AGBL4: variants seen among roughly 807,000 people sequenced by gnomAD.
AGBL4 encodes AGBL carboxypeptidase 4.
In AGBL4, 58 loss-of-function variants were observed where a neutral mutation model predicts 66.4. That is an observed-to-expected ratio of 0.87 (90% CI 0.71 to 1.09). The LOEUF is 1.09. Ranked by LOEUF, AGBL4 falls within the 50% of genes least tolerant of loss-of-function variation. AGBL4 has a pLI of 0.00. For missense variants in AGBL4, 579 were observed against 631.0 expected (o/e 0.92, Z 0.88); for synonymous variants, 234 against 222.9 (o/e 1.05, Z -0.44).
In AGBL4 at chr1:49,434,683, AGTG is replaced by A. The variant is rs1281756367; in HGVS notation, c.283-188822_283-188820del. On this transcript the variant is annotated intron_variant, in intron 3 of 13. Transcript: ENST00000371839. Reference sequence around the variant, plus strand: ...TGGTGGTGGTGGTGGTAGTGGTGGTAGTGGTGGTGGTGGTGGTGGTGGTGCTGG... The same window carrying A: ...TGGTGGTGGTGGTGGTAGTGGTGGTAGTGGTGGTGGTGGTGGTGGTGCTGG... 3.6e-3 allele frequency among the ~76,000 whole-genome samples: 515 copies of A among 141,606 alleles called. 5 individuals carry two copies. The highest frequency in any genetic ancestry group is 0.013 in the African/African-American group (489 of 38,512). 92.9% of individuals were successfully genotyped at this position (141,606 alleles called of 152,430 possible).
intron 10 of AGBL4, among the ~76,000 whole-genome samples, chr1:48,588,065 A>C (rs1347328775): frequency 6.6e-6 from 1 of 152,192 alleles, no homozygotes; most frequent in African/African-American, 2.4e-5. Context: ...AGGTGTTCAC[A>C]TTTTATCTCT....
At chr1:49,700,336 T>C (rs987058693) in intron 2 of AGBL4, among the ~76,000 whole-genome samples, 5 of 138,884 alleles carry the variant, frequency 3.6e-5, no homozygotes, top group Non-Finnish European at 6.3e-5. Flanking sequence ...GATAGATAGA[T>C]AGATAGACAG....
intron 6 of AGBL4, among the ~76,000 whole-genome samples, chr1:48,743,785 G>A (rs1427679937): frequency 6.6e-6 from 1 of 152,176 alleles, no homozygotes; most frequent in Non-Finnish European, 1.5e-5. Flanking sequence ...CAATCTGCTT[G>A]CCACTCTGGG....
intron 6 of AGBL4, among the ~76,000 whole-genome samples, chr1:48,731,737 ATAACT>A (rs1240168403): frequency 6.6e-6 from 1 of 152,240 alleles, no homozygotes; most frequent in African/African-American, 2.4e-5. Flanking sequence ...CACCATGGTA[ATAACT>A]TAAAGTTCAA....
chr1:49,125,851 A>G (rs12039837), intron 4 of AGBL4, among the ~76,000 whole-genome samples: 6,352 of 152,260 alleles, frequency 0.042, 171 homozygotes, highest in East Asian at 0.074. Flanking sequence ...CAACAAATCA[A>G]CGGGGTTCTT....
At chr1:48,929,712 T>C (rs1654882574) in intron 5 of AGBL4, among the ~76,000 whole-genome samples, 1 of 152,188 alleles carries the variant, frequency 6.6e-6, no homozygotes, top group Non-Finnish European at 1.5e-5. Context: ...ACTCCAACAT[T>C]GCCACTCCTT....
chr1:49,292,529 C>G (rs1180047174), intron 3 of AGBL4, among the ~76,000 whole-genome samples: 1 of 152,166 alleles, frequency 6.6e-6, no homozygotes, highest in Admixed American at 6.5e-5. Context: ...AAGCCCTGGA[C>G]TCAGCCAGAA....
chr1:48,721,769 C>T (rs1647153960), intron 6 of AGBL4, among the ~76,000 whole-genome samples: 1 of 152,180 alleles, frequency 6.6e-6, no homozygotes, highest in Non-Finnish European at 1.5e-5. Flanking sequence ...TTGTGGTGAC[C>T]CCAGGTTTGT....
chr1:49,505,759 G>GAT (rs201663361), intron 3 of AGBL4, among the ~76,000 whole-genome samples: 1,597 of 151,684 alleles, frequency 0.011, 52 homozygotes, highest in Admixed American at 0.07. Flanking sequence ...TCTGTATCTG[G>GAT]ATATATATAC....
intron 2 of AGBL4, among the ~76,000 whole-genome samples, chr1:49,763,335 C>T (rs146155575): frequency 2.3e-3 from 346 of 152,314 alleles, no homozygotes; most frequent in African/African-American, 8.0e-3. Context: ...TCTCTCTGCT[C>T]AGGACTACTT....
At chr1:49,452,847 G>A (rs1646308373) in intron 3 of AGBL4, among the ~76,000 whole-genome samples, 1 of 151,840 alleles carries the variant, frequency 6.6e-6, no homozygotes. Context: ...TTTCCTGAGT[G>A]TCTTTTCTGT....
chr1:48,643,400 G>C (rs319945), intron 8 of AGBL4, among the ~76,000 whole-genome samples: 88,697 of 151,878 alleles, frequency 0.58, 26,152 homozygotes, highest in Middle Eastern at 0.7. Flanking sequence ...ATGCAGCCTA[G>C]ACCACATGCA....
At chr1:49,938,557 A>G (rs1047686920) in intron 1 of AGBL4, among the ~76,000 whole-genome samples, 3 of 152,066 alleles carry the variant, frequency 2.0e-5, no homozygotes, top group Non-Finnish European at 2.9e-5. Context: ...GAGAATTTTA[A>G]ACCAATATCC....
intron 4 of AGBL4, among the ~76,000 whole-genome samples, chr1:49,202,844 T>C (rs563315177): frequency 1.3e-5 from 2 of 152,024 alleles, no homozygotes; most frequent in Admixed American, 1.3e-4. Context: ...AGAGAAAATA[T>C]TTGTGAACAA....
chr1:48,942,775 C>A (rs1656118449), intron 5 of AGBL4, among the ~76,000 whole-genome samples: 1 of 152,148 alleles, frequency 6.6e-6, no homozygotes, highest in Non-Finnish European at 1.5e-5. Flanking sequence ...TGTTTTCTAA[C>A]CACTAAGTGA....
At chr1:48,931,476 C>A (rs987457585) in intron 5 of AGBL4, among the ~76,000 whole-genome samples, 1 of 152,124 alleles carries the variant, frequency 6.6e-6, no homozygotes, top group South Asian at 2.1e-4. Flanking sequence ...CCTTAACCTT[C>A]TCTATCTCTT....
chr1:49,938,777 C>A (rs1654400426), intron 1 of AGBL4, among the ~76,000 whole-genome samples: 1 of 152,156 alleles, frequency 6.6e-6, no homozygotes, highest in African/African-American at 2.4e-5. Context: ...CAGAAAAGAC[C>A]TTTAAGAAAA....
chr1:48,847,353 C>T (rs1272375256), intron 6 of AGBL4, among the ~76,000 whole-genome samples: 1 of 148,530 alleles, frequency 6.7e-6, no homozygotes, highest in Non-Finnish European at 1.5e-5. Context: ...CTTGTGTGAG[C>T]AGCTGAAACC....
intron 4 of AGBL4, among the ~76,000 whole-genome samples, chr1:49,160,197 C>T (rs867871303): frequency 3.9e-5 from 6 of 152,116 alleles, no homozygotes; most frequent in Non-Finnish European, 5.9e-5. Context: ...CCCTTCTTCA[C>T]GGATTTATCT....
Sources: gnomAD v4.1 joint callset for allele counts (sites outside exome capture counted in the v4.1 genomes callset) on GRCh38, gnomAD v4.1.1 for gene constraint, MANE v1.5 for transcripts, NCBI Gene and HGNC (gene_info 2026-07-23, HGNC 2026-07-21) for gene names.